BNC2: variants seen among roughly 807,000 people sequenced by gnomAD.
BNC2 encodes zinc finger protein basonuclin-2.
BNC2 carries 20 observed loss-of-function variants against 76.3 expected under a neutral mutation model. That is an observed-to-expected ratio of 0.26 (90% CI 0.18 to 0.38). BNC2 has a LOEUF of 0.38. Ranked by LOEUF, BNC2 falls within the 10% of genes least tolerant of loss-of-function variation. The probability of loss-of-function intolerance (pLI) is 1.00; values close to 1 mark genes in which losing one functional copy is unlikely to be tolerated. For synonymous variants in BNC2, 582 were observed against 514.8 expected, an observed-to-expected ratio of 1.13 and a Z score of -1.77; for missense variants, 1,382 against 1,399.8, an observed-to-expected ratio of 0.99 and a Z score of 0.20.
chr9:16,741,848 C>T (rs1824859522), intron 1 of BNC2, among the ~76,000 whole-genome samples: 1 of 146,402 alleles, frequency 6.8e-6, no homozygotes, highest in Non-Finnish European at 1.5e-5. Flanking sequence ...GTTCCAGCTA[C>T]TTGGGAGGCT....
chr9:16,692,183 T>G (rs1823193735), intron 3 of BNC2, among the ~76,000 whole-genome samples: 1 of 152,300 alleles, frequency 6.6e-6, no homozygotes, highest in Non-Finnish European at 1.5e-5. Context: ...TTGTAATACA[T>G]TATTTTGGAA....
Position 16,727,884 on chromosome 9 carries a change from G to T in BNC2, c.243C>A (p.Phe81Leu), listed in dbSNP as rs754849003. 1 of 1,614,098 alleles carries T rather than the reference G, an allele frequency of 6.2e-7. No individual in the cohort carries two copies. The highest frequency in any genetic ancestry group is 8.5e-7 in the Non-Finnish European group (1 of 1,180,014). ...RDSCTDNSMQ[F>L]GTRTTTAEPG... ...GTTCAGCCGTAGTCGTTCTGGTTCC[G>T]AACTGCATGGAGTTGTCAGTACAGG... The change falls in exon 3 of 7, where the codon TTC becomes TTA. Residue 81 changes from phenylalanine (F) to leucine (L), a missense_variant. Phe to Leu is a conservative substitution (Grantham distance 22, BLOSUM62 0). This residue lies in a region of BNC2 where 557 missense variants were observed against 540.9 expected (regional missense o/e 1.03). Coordinates refer to ENST00000380672, the MANE Select transcript of BNC2 (RefSeq NM_017637.6).
chr9:16,759,726 T>G (rs998747689), intron 1 of BNC2, among the ~76,000 whole-genome samples: 1 of 7,794 alleles, frequency 1.3e-4, no homozygotes, highest in Non-Finnish European at 1.7e-3. Flanking sequence ...ACATAAACTA[T>G]TTTTTTTTTT....
chr9:16,661,592 C>G (rs1033201212), intron 3 of BNC2, among the ~76,000 whole-genome samples: 11 of 152,072 alleles, frequency 7.2e-5, no homozygotes, highest in Non-Finnish European at 1.0e-4. Flanking sequence ...CATCAGAGTT[C>G]CAATATATTA....
At chr9:16,514,243 G>A (rs1822826905) in intron 5 of BNC2, among the ~76,000 whole-genome samples, 1 of 152,210 alleles carries the variant, frequency 6.6e-6, no homozygotes, top group African/African-American at 2.4e-5. Context: ...CATGCAGCCT[G>A]AGAGTTACTA....
intron 4 of BNC2, among the ~76,000 whole-genome samples, chr9:16,555,758 C>T (rs1818811164): frequency 6.6e-6 from 1 of 151,992 alleles, no homozygotes; most frequent in Non-Finnish European, 1.5e-5. Flanking sequence ...GATTGTATCA[C>T]TGTACTCCAG....
At chr9:16,856,917 C>A (rs1401057495) in intron 1 of BNC2, among the ~76,000 whole-genome samples, 1 of 152,088 alleles carries the variant, frequency 6.6e-6, no homozygotes, top group East Asian at 1.9e-4. Context: ...AATTGAGTGG[C>A]CTTTCTTTGA....
At chr9:16,790,696 T>C (rs956040412) in intron 1 of BNC2, among the ~76,000 whole-genome samples, 1 of 152,128 alleles carries the variant, frequency 6.6e-6, no homozygotes, top group Non-Finnish European at 1.5e-5. Flanking sequence ...TACATCTTCA[T>C]CCTTTTCATC....
intron 6 of BNC2, among the ~76,000 whole-genome samples, chr9:16,433,592 T>C (rs1820946714): frequency 1.3e-5 from 2 of 152,198 alleles, no homozygotes; most frequent in South Asian, 4.1e-4. Context: ...ATGTTTTTCC[T>C]CAGATAAACC....
At chr9:16,702,833 C>G (rs934492295) in intron 3 of BNC2, among the ~76,000 whole-genome samples, 1 of 152,068 alleles carries the variant, frequency 6.6e-6, no homozygotes, top group African/African-American at 2.4e-5. Flanking sequence ...ATTTTAAAAG[C>G]AAAGAAAATA....
chr9:16,522,744 G>T (rs1817658644), intron 5 of BNC2, among the ~76,000 whole-genome samples: 1 of 152,100 alleles, frequency 6.6e-6, no homozygotes, highest in African/African-American at 2.4e-5. Flanking sequence ...AGTCACAGAA[G>T]AATGTTCTTC....
At chr9:16,448,189 G>C (rs1470182730) in intron 5 of BNC2, among the ~76,000 whole-genome samples, 1 of 152,072 alleles carries the variant, frequency 6.6e-6, no homozygotes, top group Admixed American at 6.6e-5. Context: ...ACATTTTCTA[G>C]CTTACCTCTC....
chr9:16,461,404 G>T (rs114615969), intron 5 of BNC2, among the ~76,000 whole-genome samples: 1 of 152,158 alleles, frequency 6.6e-6, no homozygotes, highest in Non-Finnish European at 1.5e-5. Flanking sequence ...GAAGCCACTT[G>T]AATGAGGATT....
intron 4 of BNC2, among the ~76,000 whole-genome samples, chr9:16,557,669 A>T (rs1260503172): frequency 6.6e-6 from 1 of 152,076 alleles, no homozygotes; most frequent in Non-Finnish European, 1.5e-5. Flanking sequence ...TAAGTATCTC[A>T]GTGGGCTGAA....
chr9:16,420,148 T>A (rs1220296118), intron 6 of BNC2, among the ~76,000 whole-genome samples: 1 of 152,138 alleles, frequency 6.6e-6, no homozygotes, highest in Non-Finnish European at 1.5e-5. Context: ...ATTCATTTTT[T>A]AAAAAAGTAG....
At chr9:16,716,150 C>A (rs1823989825) in intron 3 of BNC2, among the ~76,000 whole-genome samples, 1 of 152,292 alleles carries the variant, frequency 6.6e-6, no homozygotes, top group Non-Finnish European at 1.5e-5. Flanking sequence ...CACATGTTAA[C>A]ACTTCCACAC....
At chr9:16,489,521 T>G (rs911306001) in intron 5 of BNC2, among the ~76,000 whole-genome samples, 1 of 152,200 alleles carries the variant, frequency 6.6e-6, no homozygotes, top group Non-Finnish European at 1.5e-5. Flanking sequence ...TGAGTTGAAA[T>G]GTATATGCAA....
intron 1 of BNC2, among the ~76,000 whole-genome samples, chr9:16,813,556 C>T (rs898711086): frequency 6.6e-6 from 1 of 152,076 alleles, no homozygotes; most frequent in African/African-American, 2.4e-5. Flanking sequence ...TGAGCCACCG[C>T]GCCCAGCCAA....
At chr9:16,494,645 T>C (rs529167764) in intron 5 of BNC2, among the ~76,000 whole-genome samples, 2 of 152,110 alleles carry the variant, frequency 1.3e-5, no homozygotes, top group South Asian at 2.1e-4. Flanking sequence ...GTGACCAAAG[T>C]TGAACAAGTG....
Sources: gnomAD v4.1 joint callset for allele counts (sites outside exome capture counted in the v4.1 genomes callset) on GRCh38, gnomAD v4.1.1 for gene constraint, gnomAD v4.1.1 regional missense constraint, MANE v1.5 for transcripts, NCBI Gene and HGNC (gene_info 2026-07-23, HGNC 2026-07-21) for gene names.